Variants in BMP5 observed in about 807,000 individuals in gnomAD.
BMP5 encodes the protein bone morphogenetic protein 5.
Under a neutral mutation model 46.6 loss-of-function variants are expected in BMP5, and 23 were observed. The ratio of observed to expected loss-of-function variants is 0.49; its 90% CI spans 0.35 to 0.70. The LOEUF is 0.70. BMP5 is among the 30% of genes least tolerant of loss of function. BMP5 has a pLI of 0.00. For missense variants in BMP5, 545 were observed against 565.6 expected, an observed-to-expected ratio of 0.96 and a Z score of 0.37; for synonymous variants, 204 against 191.9, an observed-to-expected ratio of 1.06 and a Z score of -0.52.
chr6:55,867,065 C>G (rs1325172643), intron 1 of BMP5, among the ~76,000 whole-genome samples: 3 of 152,164 alleles, frequency 2.0e-5, no homozygotes, highest in Admixed American at 1.3e-4. Context: ...CCACTCTCCA[C>G]ATTTCCCTAT....
Position 55,759,029 on chromosome 6 carries a change from G to T in BMP5, c.1191C>A (p.Thr397=). The change falls in exon 6 of 7, where the codon ACC becomes ACA. Residue 397 remains threonine (T), a synonymous_variant. Transcript: ENST00000370830. ...CCAGAGTCTGAACTATAGCGTGGTTGGTGGCATTCATATGGGCGTTAAGTG... is the reference window on the plus strand; with the variant it reads ...CCAGAGTCTGAACTATAGCGTGGTTTGTGGCATTCATATGGGCGTTAAGTG... The part of the protein sequence containing the change: ...SFPLNAHMNA[T]NHAIVQTLVH... The T allele has an allele frequency of 1.9e-6, 3 of 1,608,676 alleles. No individual in the cohort carries two copies. The highest frequency in any genetic ancestry group is 2.5e-6 in the Non-Finnish European group (3 of 1,176,724).
chr6:55,821,777 A>T (rs1463750096), intron 1 of BMP5, among the ~76,000 whole-genome samples: 1 of 152,164 alleles, frequency 6.6e-6, no homozygotes, highest in East Asian at 1.9e-4. Flanking sequence ...CCTTTTGTCC[A>T]TTTGACTGGG....
chr6:55,861,673 C>T (rs879476989), intron 1 of BMP5, among the ~76,000 whole-genome samples: 1 of 152,228 alleles, frequency 6.6e-6, no homozygotes, highest in Non-Finnish European at 1.5e-5. Context: ...AGTTGAACTC[C>T]AGGGAGTAGA....
intron 2 of BMP5, among the ~76,000 whole-genome samples, chr6:55,816,608 GTTGAGAAACAAATATAGGTCT>G (rs1156514880): frequency 3.3e-5 from 5 of 152,116 alleles, no homozygotes; most frequent in Non-Finnish European, 7.4e-5. Flanking sequence ...CAGTGTTAAA[GTTGAGAAACAAATATAGGTCT>G]TTCTGCCTTC....
At chr6:55,790,173 T>C (rs1775542558) in intron 3 of BMP5, among the ~76,000 whole-genome samples, 1 of 152,190 alleles carries the variant, frequency 6.6e-6, no homozygotes, top group African/African-American at 2.4e-5. Flanking sequence ...TCTACAAAAT[T>C]CTGCTCCTAT....
intron 1 of BMP5, among the ~76,000 whole-genome samples, chr6:55,838,001 C>T (rs574459264): frequency 3.3e-5 from 5 of 152,244 alleles, no homozygotes; most frequent in East Asian, 1.9e-4. Context: ...CATTCTTTTT[C>T]GTGGCTGAAT....
chr6:55,853,900 G>C (rs1007184669), intron 1 of BMP5, among the ~76,000 whole-genome samples: 1 of 152,078 alleles, frequency 6.6e-6, no homozygotes, highest in South Asian at 2.1e-4. Flanking sequence ...TCATGACTTA[G>C]AGACACAAAT....
chr6:55,798,718 C>T (rs1271288668), intron 2 of BMP5, among the ~76,000 whole-genome samples: 2 of 152,068 alleles, frequency 1.3e-5, no homozygotes, highest in East Asian at 1.9e-4. Context: ...TATATACATA[C>T]ATTTATTGTC....
At chr6:55,827,482 C>A (rs144906909) in intron 1 of BMP5, among the ~76,000 whole-genome samples, 1 of 151,560 alleles carries the variant, frequency 6.6e-6, no homozygotes, top group East Asian at 1.9e-4. Flanking sequence ...TGGTGGAACA[C>A]GTAGCACATA....
intron 2 of BMP5, among the ~76,000 whole-genome samples, chr6:55,798,368 T>A (rs2127530599): frequency 6.6e-6 from 1 of 152,346 alleles, no homozygotes; most frequent in Non-Finnish European, 1.5e-5. Flanking sequence ...AATGTAAATA[T>A]TCCTGGATGT....
intron 1 of BMP5, among the ~76,000 whole-genome samples, chr6:55,837,970 T>C (rs1168009057): frequency 6.6e-6 from 1 of 152,198 alleles, no homozygotes; most frequent in East Asian, 1.9e-4. Flanking sequence ...TTCATCCATA[T>C]TGTTGCAAAC....
At chr6:55,813,759 C>T (rs1386502453) in intron 2 of BMP5, among the ~76,000 whole-genome samples, 2 of 148,900 alleles carry the variant, frequency 1.3e-5, no homozygotes, top group Non-Finnish European at 3.0e-5. Flanking sequence ...TGCACTCCAG[C>T]CTGGATGAAA....
At chr6:55,844,177 C>T (rs933380407) in intron 1 of BMP5, among the ~76,000 whole-genome samples, 2 of 151,890 alleles carry the variant, frequency 1.3e-5, no homozygotes, top group Non-Finnish European at 2.9e-5. Flanking sequence ...GATTAAGCCA[C>T]CTCCCCCACT....
chr6:55,825,431 G>A (rs1179721205), intron 1 of BMP5, among the ~76,000 whole-genome samples: 1 of 151,772 alleles, frequency 6.6e-6, no homozygotes, highest in African/African-American at 2.4e-5. Context: ...CACATCCCAT[G>A]ATTAATGGAC....
rs142453498 is a variant in BMP5 at position 55,811,480 on chromosome 6, G to C, written c.683+8175C>G. ...GCACAGCGCCAGACACATGGTGAGT[G>C]TCCATTAAATGTGTAAGTGCTGGAT... On this transcript the variant is annotated intron_variant, in intron 2 of 6. Transcript: ENST00000370830. Among the ~76,000 whole-genome samples, 511 of 152,264 alleles carry C rather than the reference G, an allele frequency of 3.4e-3. 2 individuals are homozygous for C. Among genetic ancestry groups the C allele is most frequent in the African/African-American group, 0.012 (492 of 41,548 alleles).
In BMP5 at chr6:55,759,062, A is replaced by C; in HGVS notation, c.1158T>G (p.Cys386Trp). ...GYAAFYCDGE[C>W]SFPLNAHMNA... ...TCATATGGGCGTTAAGTGGAAAAGA[A>C]CATTCTCCATCACAATAAAATGCAG... Residue 386 changes from cysteine (C) to tryptophan (W), a missense_variant, in exon 6 of 7, where the codon TGT becomes TGG. By Grantham distance (215) the Cys-to-Trp change is radical. Coordinates refer to ENST00000370830, the MANE Select transcript of BMP5 (RefSeq NM_021073.4). The C allele has an allele frequency of 6.2e-7, 1 of 1,603,196 alleles. No individual in the cohort carries two copies. The highest frequency in any genetic ancestry group is 1.7e-5 in the Admixed American group (1 of 59,166).
At chr6:55,859,605 TATAAGAGG>T (rs1001127499) in intron 1 of BMP5, among the ~76,000 whole-genome samples, 3 of 152,166 alleles carry the variant, frequency 2.0e-5, no homozygotes, top group African/African-American at 7.2e-5. Context: ...ATTTTTAAAG[TATAAGAGG>T]AAATGTACAA....
intron 1 of BMP5, among the ~76,000 whole-genome samples, chr6:55,835,758 A>C (rs2127543590): frequency 6.6e-6 from 1 of 152,350 alleles, no homozygotes; most frequent in South Asian, 2.1e-4. Flanking sequence ...AGGGAAAGAT[A>C]ACAGAGCAAA....
chr6:55,867,002 C>A lies in BMP5; in HGVS notation c.490+7374G>T, dbSNP rs574673488. Among the ~76,000 whole-genome samples the A allele has an allele frequency of 6.6e-5, 10 of 152,204 alleles. No individual in the cohort carries two copies. The South Asian group carries it at 2.1e-3, about 32-fold the overall frequency. ...TCTAGAACACTTGCTGACTAAACAA[C>A]CAATGTTTATTTATCTACTTGTGCC... On this transcript the variant is annotated intron_variant, in intron 1 of 6. Transcript: ENST00000370830.
Sources: gnomAD v4.1 joint callset for allele counts (sites outside exome capture counted in the v4.1 genomes callset) on GRCh38, gnomAD v4.1.1 for gene constraint, MANE v1.5 for transcripts, NCBI Gene and HGNC (gene_info 2026-07-23, HGNC 2026-07-21) for gene names.